Variants in DCAF1 observed in about 807,000 individuals in gnomAD.
DCAF1 encodes the protein DDB1- and CUL4-associated factor 1.
DCAF1 carries 15 observed loss-of-function variants against 128.0 expected under a neutral mutation model. The observed-to-expected ratio is 0.12, with a 90% CI of 0.08 to 0.18. DCAF1 has a LOEUF of 0.18. Among genes scored for constraint, DCAF1 ranks in the 10% least tolerant of loss-of-function variants. The pLI is 1.00. For synonymous variants in DCAF1, 610 were observed against 603.0 expected (o/e 1.01, Z -0.17); for missense variants, 988 against 1,649.5 (o/e 0.60, Z 6.95).
chr3:51,434,027 C>T (rs1185250351), intron 9 of DCAF1, among the ~76,000 whole-genome samples: 2 of 150,636 alleles, frequency 1.3e-5, no homozygotes, highest in East Asian at 4.0e-4. Flanking sequence ...GGTTGCAGTG[C>T]ACCAAGATTG....
chr3:51,494,205 C>A (rs1314818975), intron 2 of DCAF1, among the ~76,000 whole-genome samples: 6 of 149,992 alleles, frequency 4.0e-5, no homozygotes, highest in Non-Finnish European at 8.9e-5. Flanking sequence ...AGCTCCGCCT[C>A]CCGGGTTCAT....
chr3:51,468,745 G>A (rs1704408884), intron 4 of DCAF1, among the ~76,000 whole-genome samples: 1 of 152,104 alleles, frequency 6.6e-6, no homozygotes. Flanking sequence ...TTTTAATAAA[G>A]AAATAATGCC....
chr3:51,467,396 G>A (rs1195466994), intron 4 of DCAF1, among the ~76,000 whole-genome samples: 1 of 152,026 alleles, frequency 6.6e-6, no homozygotes, highest in African/African-American at 2.4e-5. Flanking sequence ...GCAAACTATT[G>A]CGAGGACAAA....
chr3:51,447,864 C>T (rs1702026278), intron 6 of DCAF1, among the ~76,000 whole-genome samples: 1 of 152,074 alleles, frequency 6.6e-6, no homozygotes, highest in Non-Finnish European at 1.5e-5. Context: ...AGGAGAATTG[C>T]TTGAACCTGG....
At chr3:51,413,855 A>T in intron 20 of DCAF1, 95 bp downstream of exon 20, 1 of 1,296,110 alleles carries the variant, frequency 7.7e-7, no homozygotes, top group Non-Finnish European at 9.9e-7. Flanking sequence ...ATGCTTTCCA[A>T]TTCACAAGTG....
chr3:51,443,512 C>G (rs1382653278), intron 7 of DCAF1, among the ~76,000 whole-genome samples: 2 of 151,912 alleles, frequency 1.3e-5, no homozygotes, highest in Admixed American at 6.6e-5. Flanking sequence ...ATTGCTTGAA[C>G]CCGGGAGGCA....
At chr3:51,462,248 G>A (rs1337345810) in intron 6 of DCAF1, among the ~76,000 whole-genome samples, 4 of 151,050 alleles carry the variant, frequency 2.6e-5, no homozygotes, top group South Asian at 4.2e-4. Context: ...ATGGTGAAAC[G>A]CTGTCTCTAC....
intron 3 of DCAF1, among the ~76,000 whole-genome samples, chr3:51,477,641 C>A (rs901724714): frequency 2.1e-4 from 32 of 152,020 alleles, no homozygotes; most frequent in Non-Finnish European, 4.1e-4. Flanking sequence ...GGAGTCAAAA[C>A]CCAGGATTCT....
chr3:51,463,784 AAACAACAAC>A (rs1229371293), intron 5 of DCAF1, among the ~76,000 whole-genome samples: 5 of 151,938 alleles, frequency 3.3e-5, no homozygotes, highest in African/African-American at 1.2e-4. Flanking sequence ...GTCTCCAAAA[AAACAACAAC>A]AACAACAACA....
At chr3:51,422,164 T>G (rs1699457688) in intron 14 of DCAF1, 143 bp downstream of exon 14, 1 of 599,486 alleles carries the variant, frequency 1.7e-6, no homozygotes, top group Non-Finnish European at 3.0e-6. Flanking sequence ...ATGGTACTCC[T>G]TATAAAGGAC....
intron 2 of DCAF1, among the ~76,000 whole-genome samples, chr3:51,496,523 A>G (rs1339437964): frequency 1.3e-5 from 2 of 151,896 alleles, no homozygotes; most frequent in African/African-American, 4.8e-5. Context: ...GGTCTGTCCA[A>G]TGGTGACACG....
rs1463961782 is a variant in DCAF1 at position 51,446,492 on chromosome 3, G to A, written c.376-2589C>T. On this transcript the variant is annotated intron_variant, in intron 6 of 24. Transcript: ENST00000684031. ...AACAAAATTTAAAAATTAGCTGGGC[G>A]TGGTGGTGGACTCCTATAGTTCACG... Among the ~76,000 whole-genome samples, 7 of 152,002 alleles carry A rather than the reference G, an allele frequency of 4.6e-5. 1 individual carries two copies. The highest frequency in any genetic ancestry group is 3.3e-4 in the Admixed American group (5 of 15,236).
At chr3:51,432,972 T>C (rs1214111706) in intron 10 of DCAF1, 134 bp downstream of exon 10, 8 of 395,182 alleles carry the variant, frequency 2.0e-5, no homozygotes, top group African/African-American at 6.2e-5. Context: ...GACTTTCATG[T>C]TCCTTGTTTC....
At chr3:51,432,387 TAC>T (rs2107576601) in intron 10 of DCAF1, among the ~76,000 whole-genome samples, 1 of 150,584 alleles carries the variant, frequency 6.6e-6, no homozygotes, top group East Asian at 2.0e-4. Context: ...TCTCTAAAAA[TAC>T]ACAAACATAT....
chr3:51,411,164 A>G (rs1312277275), intron 23 of DCAF1, among the ~76,000 whole-genome samples: 5 of 123,086 alleles, frequency 4.1e-5, no homozygotes, highest in South Asian at 2.4e-4. Context: ...TCCATCTCAG[A>G]AAAAAAAAAA....
At chr3:51,414,893 A>G (rs781920780) in intron 18 of DCAF1, 36 bp from the exon 19 acceptor site, 1 of 1,594,020 alleles carries the variant, frequency 6.3e-7, no homozygotes, top group East Asian at 2.2e-5. Context: ...GAAAAATCAG[A>G]CCAATCCATC....
At chr3:51,473,296 G>A (rs966606730) in intron 3 of DCAF1, among the ~76,000 whole-genome samples, 1 of 150,620 alleles carries the variant, frequency 6.6e-6, no homozygotes, top group Non-Finnish European at 1.5e-5. Flanking sequence ...TTACTATCTG[G>A]GTGACCTAAG....
chr3:51,485,072 C>T (rs888953163), intron 2 of DCAF1, among the ~76,000 whole-genome samples: 1 of 152,080 alleles, frequency 6.6e-6, no homozygotes, highest in Non-Finnish European at 1.5e-5. Context: ...TGCACCACCA[C>T]GCCCAGCTAA....
At chr3:51,402,767 T>G (rs1250181555) in intron 24 of DCAF1, among the ~76,000 whole-genome samples, 5 of 152,002 alleles carry the variant, frequency 3.3e-5, no homozygotes, top group African/African-American at 1.2e-4. Context: ...AGAGACAGGA[T>G]TTCATCATGT....
Sources: allele counts gnomAD v4.1 joint callset (sites outside exome capture counted in the v4.1 genomes callset), GRCh38; gene constraint gnomAD v4.1.1; transcripts MANE v1.5; gene names NCBI Gene and HGNC (gene_info 2026-07-23, HGNC 2026-07-21).